IGF1R: variants seen among roughly 807,000 people sequenced by gnomAD.
IGF1R encodes insulin like growth factor 1 receptor.
IGF1R carries 44 observed loss-of-function variants against 144.6 expected under a neutral mutation model. The observed-to-expected ratio is 0.30, with a 90% confidence interval of 0.24 to 0.39. IGF1R has a LOEUF of 0.39. Ranked by LOEUF, IGF1R falls within the 10% of genes least tolerant of loss-of-function variation. The pLI, the probability that IGF1R is intolerant of heterozygous loss-of-function variation, is 1.00. For missense variants in IGF1R, 1,355 were observed against 1,833.7 expected, an observed-to-expected ratio of 0.74 and a Z score of 4.77; for synonymous variants, 795 against 722.8, an observed-to-expected ratio of 1.10 and a Z score of -1.60.
At chr15:98,676,165 A>G (rs1282811060) in intron 1 of IGF1R, among the ~76,000 whole-genome samples, 1 of 150,656 alleles carries the variant, frequency 6.6e-6, no homozygotes, top group East Asian at 2.0e-4. Flanking sequence ...TTTGTAGACA[A>G]AGTCTCACTC....
At chr15:98,679,143 C>T (rs931298783) in intron 1 of IGF1R, among the ~76,000 whole-genome samples, 2 of 151,758 alleles carry the variant, frequency 1.3e-5, no homozygotes, top group Non-Finnish European at 2.9e-5. Flanking sequence ...TGGGATCAAG[C>T]GACCCTCCTC....
At chr15:98,938,694 GA>G (rs2016250109) in intron 17 of IGF1R, among the ~76,000 whole-genome samples, 1 of 152,156 alleles carries the variant, frequency 6.6e-6, no homozygotes, top group Non-Finnish European at 1.5e-5. Flanking sequence ...TGAAGGGAAA[GA>G]AAAGGATTAA....
At chr15:98,835,776 C>T (rs1474397028) in intron 2 of IGF1R, among the ~76,000 whole-genome samples, 1 of 152,134 alleles carries the variant, frequency 6.6e-6, no homozygotes, top group Non-Finnish European at 1.5e-5. Context: ...TAAAATGAAG[C>T]CTCTGCATCC....
rs2293117 is a variant in IGF1R, at chr15:98,935,484, T to G, written c.3297+58T>G. ...GCCTGGCCTGCTCTCTTTTCCTTTA[T>G]AATCTCCCTGCAAGGAAATGCTGTG... is the stretch of plus-strand genomic sequence containing the variant. On this transcript the variant is annotated intron_variant, in intron 17 of 20. Coordinates refer to ENST00000650285, the MANE Select transcript of IGF1R (RefSeq NM_000875.5). This position sits in a 1 kb window ranked among gnomAD's most constrained non-coding sequence, Gnocchi z 4.2. The G allele has an allele frequency of 6.5e-4, 642 of 980,248 alleles. 13 individuals carry two copies. In the South Asian group the frequency reaches 8.4e-3, roughly 13 times the overall value. The allele number at this position is 980,248 out of a possible 1,614,324, so 60.7% of individuals were successfully genotyped here. A position where few individuals can be genotyped will look rare whatever the true frequency, so the allele number is the denominator to read the frequency against.
chr15:98,739,312 C>T (rs2054683503), intron 2 of IGF1R, among the ~76,000 whole-genome samples: 1 of 152,158 alleles, frequency 6.6e-6, no homozygotes, highest in Non-Finnish European at 1.5e-5. Flanking sequence ...AGAGAACCTG[C>T]TGCTGTCCCG....
chr15:98,676,045 G>A (rs28647587), intron 1 of IGF1R, among the ~76,000 whole-genome samples: 21,732 of 151,462 alleles, frequency 0.14, 3,241 homozygotes, highest in African/African-American at 0.38. Flanking sequence ...GGCCTGGCTG[G>A]TGTTGAACTC....
At chr15:98,811,117 A>C (rs1201096034) in intron 2 of IGF1R, among the ~76,000 whole-genome samples, 1 of 151,864 alleles carries the variant, frequency 6.6e-6, no homozygotes, top group African/African-American at 2.4e-5. Flanking sequence ...CCTGACCAAC[A>C]TGGAGAAACC....
Position 98,819,461 on chromosome 15 carries a change from G to C in IGF1R, c.641-71864G>C, listed in dbSNP as rs113391215. Among the ~76,000 whole-genome samples the C allele has an allele frequency of 1.1e-3, 165 of 152,252 alleles. 1 individual carries two copies. Among genetic ancestry groups the C allele is most frequent in the African/African-American group, 3.6e-3 (149 of 41,558 alleles). On this transcript the variant is annotated intron_variant, in intron 2 of 20. Transcript: ENST00000650285. ...GATTGTGCCTTTATAAAAGAGAGCTGCTTTGCCTCTTCTGCTAGAAGGTGC... is the reference window on the plus strand; with the variant it reads ...GATTGTGCCTTTATAAAAGAGAGCTCCTTTGCCTCTTCTGCTAGAAGGTGC...
intron 2 of IGF1R, among the ~76,000 whole-genome samples, chr15:98,760,598 C>T (rs749325805): frequency 2.8e-4 from 43 of 152,154 alleles, no homozygotes; most frequent in African/African-American, 4.6e-4. Context: ...CATGTCGCTG[C>T]GGCATTGCAG....
At chr15:98,813,376 C>T (rs1296797911) in intron 2 of IGF1R, among the ~76,000 whole-genome samples, 1 of 152,146 alleles carries the variant, frequency 6.6e-6, no homozygotes. Context: ...ACCCTAGGGC[C>T]AGATACCAGG....
chr15:98,850,213 G>T (rs568604190), intron 2 of IGF1R, among the ~76,000 whole-genome samples: 1 of 152,306 alleles, frequency 6.6e-6, no homozygotes, highest in Admixed American at 6.5e-5. Flanking sequence ...AGAAAATGAA[G>T]GTCTGTGTGA....
chr15:98,949,532 C>T (rs1363218578), intron 20 of IGF1R, among the ~76,000 whole-genome samples: 1 of 152,078 alleles, frequency 6.6e-6, no homozygotes, highest in Non-Finnish European at 1.5e-5. Context: ...GCACCCACCA[C>T]CACTCCCAGC....
At chr15:98,736,146 G>A (rs1389077117) in intron 2 of IGF1R, among the ~76,000 whole-genome samples, 1 of 152,158 alleles carries the variant, frequency 6.6e-6, no homozygotes, top group Non-Finnish European at 1.5e-5. Context: ...GGCGATGATG[G>A]GAGATGATAT....
At chr15:98,879,870 A>G (rs2013278271) in intron 2 of IGF1R, among the ~76,000 whole-genome samples, 1 of 152,390 alleles carries the variant, frequency 6.6e-6, no homozygotes, top group Middle Eastern at 3.4e-3. Context: ...AAAAGAAGCC[A>G]GTCACAAAAG....
At chr15:98,867,451 C>T (rs961316629) in intron 2 of IGF1R, among the ~76,000 whole-genome samples, 4 of 152,134 alleles carry the variant, frequency 2.6e-5, no homozygotes, top group Non-Finnish European at 4.4e-5. Context: ...GTCTTGAGTC[C>T]CCACGGCTCC....
Position 98,957,601 on chromosome 15 carries a change from A to T in IGF1R, c.*159A>T. On this transcript the variant is annotated 3_prime_UTR_variant, in exon 21 of 21. Coordinates refer to ENST00000650285, the MANE Select transcript of IGF1R (RefSeq NM_000875.5). ...CGCGGGAGACAGCTTCTCTGCAGTA[A>T]AACACATTTGGGATGTTCCTTTTTT... 2 of 843,976 alleles carry T rather than the reference A, an allele frequency of 2.4e-6. No homozygotes were observed. Among genetic ancestry groups the T allele is most frequent in the Non-Finnish European group, 3.8e-6 (2 of 531,128 alleles). 52.3% of individuals were successfully genotyped at this position (843,976 alleles called of 1,614,324 possible).
Position 98,958,670 on chromosome 15 carries a change from G to A in IGF1R, c.*1228G>A, listed in dbSNP as rs187193143. ...AATGTCACTTTTATAACTTTTTTAC[G>A]GTTCAGATATTCATCTATACGTCTG... On this transcript the variant is annotated 3_prime_UTR_variant, in exon 21 of 21. Transcript: ENST00000650285. 1.3e-3 allele frequency: 292 copies of A among 230,152 alleles called. 3 individuals are homozygous for A. In the Admixed American group the frequency reaches 0.013, roughly 11 times the overall value. 14.3% of individuals were successfully genotyped at this position (230,152 alleles called of 1,614,324 possible).
At chr15:98,664,398 C>T (rs1385660143) in intron 1 of IGF1R, among the ~76,000 whole-genome samples, 1 of 152,164 alleles carries the variant, frequency 6.6e-6, no homozygotes, top group African/African-American at 2.4e-5. Context: ...AGTGCGGTGG[C>T]TCATGCCTGT....
In IGF1R at chr15:98,915,911, C is replaced by G. The variant is rs2015222356; in HGVS notation, c.1829-53C>G. ...TTGGCTTGCCAGAGTATCTGATAGC[C>G]TGACTCTTAAGTTCATTTCATTTTC... On this transcript the variant is annotated intron_variant, in intron 8 of 20. Transcript: ENST00000650285. 2.6e-6 allele frequency: 4 copies of G among 1,565,404 alleles called. No individual in the cohort carries two copies. The South Asian group carries it at 4.4e-5, about 17-fold the overall frequency.
Sources: allele counts gnomAD v4.1 joint callset (sites outside exome capture counted in the v4.1 genomes callset), GRCh38; gene constraint gnomAD v4.1.1; non-coding constraint Gnocchi (gnomAD v3.1); transcripts MANE v1.5; gene names NCBI Gene and HGNC (gene_info 2026-07-23, HGNC 2026-07-21).